Variants in SLC26A9 observed in about 807,000 individuals in gnomAD.
SLC26A9 encodes solute carrier family 26 member 9.
In SLC26A9, 46 loss-of-function variants were observed where a neutral mutation model predicts 87.1. The ratio of observed to expected loss-of-function variants is 0.53; its 90% CI spans 0.42 to 0.67. The LOEUF (loss-of-function observed/expected upper bound fraction) is 0.67, where lower values mean the gene tolerates loss of function less well. Among genes scored for constraint, SLC26A9 ranks in the 30% least tolerant of loss-of-function variants. The pLI is 0.00. For missense variants in SLC26A9, 927 were observed against 1,018.3 expected (o/e 0.91, Z 1.22); for synonymous variants, 437 against 409.1 (o/e 1.07, Z -0.82).
At position 205,933,014 on chromosome 1, in the gene SLC26A9, T is replaced by C. The variant is rs1209860821; in HGVS notation, c.196A>G (p.Lys66Glu). ...LPVLSWLPKY[K>E]IKDYIIPDLL... ...TCAGGAATGATGTAGTCTTTAATCT[T>C]GTACTTGGGGAGCCAGGAGAGCACA... Residue 66 changes from lysine (K) to glutamate (E), a missense_variant, in exon 3 of 21, where the codon AAG becomes GAG. Lys to Glu is a moderately conservative substitution (Grantham distance 56, BLOSUM62 1). Transcript: ENST00000367135. The C allele has an allele frequency of 6.2e-7, 1 of 1,614,078 alleles. No individual in the cohort carries two copies. Among genetic ancestry groups the C allele is most frequent in the Non-Finnish European group, 8.5e-7 (1 of 1,180,024 alleles).
intron 16 of SLC26A9, 41 bp from the exon 17 acceptor site, chr1:205,921,888 G>C: frequency 6.3e-7 from 1 of 1,577,182 alleles, no homozygotes; most frequent in Non-Finnish European, 8.6e-7. Context: ...GGGACCACCA[G>C]ACTGAGCCAG....
At chr1:205,943,276 GT>G (rs1261839901) in intron 1 of SLC26A9, 88 bp downstream of exon 1, 2 of 152,192 alleles carry the variant, frequency 1.3e-5, no homozygotes, top group Non-Finnish European at 2.9e-5. Context: ...GTTGGTTCCT[GT>G]CATCCCTCCT....
chr1:205,927,107 G>A (rs11240594), intron 11 of SLC26A9, 104 bp downstream of exon 11: 226,047 of 1,182,134 alleles, frequency 0.19, 25,944 homozygotes, highest in East Asian at 0.57. Flanking sequence ...GAGACTAAGT[G>A]TGACAACAGT....
chr1:205,926,985 G>A (rs1461882868), intron 11 of SLC26A9, among the ~76,000 whole-genome samples: 4 of 152,182 alleles, frequency 2.6e-5, no homozygotes, highest in South Asian at 4.1e-4. Context: ...CCAGCCCTGC[G>A]CTGTAAGCTG....
rs192547308 is a variant in SLC26A9 at position 205,929,349 on chromosome 1, A to G, written c.725T>C (p.Ile242Thr). ...GTGGGGGAGGTTTTTGCAAATGTCA[A>G]TGAAGGTCTGGGGGAAAGAGCATCA... ...TGPGSIVFTF[I>T]DICKNLPHTN... is the part of the protein sequence containing the mutation. The change falls in exon 7 of 21, where the codon ATT becomes ACT. Residue 242 changes from isoleucine (I) to threonine (T), a missense_variant. Coordinates refer to ENST00000367135, the MANE Select transcript of SLC26A9 (RefSeq NM_052934.4). 108 of 1,614,054 alleles carry G rather than the reference A, an allele frequency of 6.7e-5. 1 individual carries two copies. In the East Asian group the frequency reaches 2.2e-3, roughly 33 times the overall value.
chr1:205,917,909 A>T (rs751387212), intron 19 of SLC26A9, among the ~76,000 whole-genome samples: 1 of 152,186 alleles, frequency 6.6e-6, no homozygotes, highest in Non-Finnish European at 1.5e-5. Flanking sequence ...CTTCCTCCAG[A>T]ATCTCCCTCT....
Position 205,915,174 on chromosome 1 carries a change from G to A in SLC26A9, c.*183C>T. The A allele has an allele frequency of 6.2e-7, 1 of 1,612,274 alleles. No individual in the cohort carries two copies. The highest frequency in any genetic ancestry group is 8.5e-7 in the Non-Finnish European group (1 of 1,178,686). ...AAGGGTAGCACCCCCCTGCTGCTGA[G>A]AGGCTCTCTCTGGAGATGCGGGGAG... On this transcript the variant is annotated 3_prime_UTR_variant, in exon 21 of 21. Coordinates refer to ENST00000367135, the MANE Select transcript of SLC26A9 (RefSeq NM_052934.4).
Position 205,920,006 on chromosome 1 carries a change from G to C in SLC26A9, c.2110+170C>G, listed in dbSNP as rs117659193. The stretch of plus-strand genomic sequence containing the variant: ...GGCCCCTAGGATGTTTATGCAATCT[G>C]ACCAGTCTCTTTGGACTTGTACCTG... On this transcript the variant is annotated intron_variant, in intron 18 of 20. Transcript: ENST00000367135. Among the ~76,000 whole-genome samples, 62 of 152,238 alleles carry C rather than the reference G, an allele frequency of 4.1e-4. 1 individual carries two copies. In the East Asian group the frequency reaches 0.011, roughly 27 times the overall value.
chr1:205,923,660 A>T (rs775110769), intron 13 of SLC26A9, 47 bp from the exon 14 acceptor site: 1 of 1,610,278 alleles, frequency 6.2e-7, no homozygotes, highest in African/African-American at 1.3e-5. Flanking sequence ...CTAATGGCAC[A>T]TGGGCCTGGA....
At chr1:205,926,914 T>G (rs369295150) in intron 11 of SLC26A9, among the ~76,000 whole-genome samples, 31 of 152,126 alleles carry the variant, frequency 2.0e-4, no homozygotes, top group African/African-American at 7.2e-4. Flanking sequence ...CTGGTACTCG[T>G]GGGTAGGTGC....
chr1:205,915,388 A>C lies in SLC26A9; in HGVS notation c.2345T>G (p.Met782Arg), dbSNP rs1462078918. 1.2e-6 allele frequency: 2 copies of C among 1,614,090 alleles called. No individual in the cohort carries two copies. The highest frequency in any genetic ancestry group is 8.5e-7 in the Non-Finnish European group (1 of 1,180,016). Residue 782 changes from methionine to arginine, a missense_variant, in exon 21 of 21, where the codon ATG becomes AGG. Transcript: ENST00000367135. ...WDLEQEMFGS[M>R]FHAETLTAL ...GGCGGTCAGGGTCTCTGCGTGAAAC[A>C]TGCTCCCGAACATCTCCTGCAGGAA... is the stretch of plus-strand genomic sequence containing the variant.
chr1:205,929,071 G>T, intron 7 of SLC26A9, 133 bp downstream of exon 7: 1 of 1,463,094 alleles, frequency 6.8e-7, no homozygotes, highest in South Asian at 1.3e-5. Context: ...CCACATACGG[G>T]GGATGGGATG....
chr1:205,923,006 G>T, intron 16 of SLC26A9, 76 bp downstream of exon 16: 1 of 1,412,390 alleles, frequency 7.1e-7, no homozygotes, highest in Non-Finnish European at 1.0e-6. Context: ...GGCCCCCAGG[G>T]TACCATGAGT....
At chr1:205,927,663 G>A in intron 9 of SLC26A9, 58 bp from the exon 10 acceptor site, 3 of 1,519,038 alleles carry the variant, frequency 2.0e-6, no homozygotes, top group Non-Finnish European at 2.7e-6. Context: ...CGGGGACCAA[G>A]TGCAGTCAGG....
At chr1:205,933,280 G>A in intron 2 of SLC26A9, among the ~76,000 whole-genome samples, 196 bp from the exon 3 acceptor site, 1 of 152,194 alleles carries the variant, frequency 6.6e-6, no homozygotes. Context: ...GCATTAGCTG[G>A]AGGTCTTCTG....
intron 18 of SLC26A9, 113 bp downstream of exon 18, chr1:205,920,063 G>T: frequency 8.5e-7 from 1 of 1,180,506 alleles, no homozygotes; most frequent in Non-Finnish European, 1.3e-6. Context: ...AGCTTGTGGG[G>T]GATAGCTGGG....
intron 17 of SLC26A9, among the ~76,000 whole-genome samples, chr1:205,921,117 A>G (rs1318002368): frequency 6.6e-6 from 1 of 152,252 alleles, no homozygotes; most frequent in East Asian, 1.9e-4. Flanking sequence ...CATTCATTCA[A>G]GGTGTCCCGT....
chr1:205,921,974 A>G (rs1445969404), intron 16 of SLC26A9, 127 bp from the exon 17 acceptor site: 5 of 1,236,172 alleles, frequency 4.0e-6, no homozygotes, highest in Non-Finnish European at 4.4e-6. Flanking sequence ...TGGTGAACAC[A>G]GACCCTGAAA....
In SLC26A9 at chr1:205,915,011, G is replaced by A. The variant is rs147712135; in HGVS notation, c.*346C>T. 14 of 1,614,062 alleles carry A rather than the reference G, an allele frequency of 8.7e-6. No homozygotes were observed. Among genetic ancestry groups the A allele is most frequent in the Admixed American group, 5.0e-5 (3 of 60,006 alleles). ...TTGTCCTTCTGTTTTTGGCTCACTC[G>A]TAAAAGCTGGAAGTCAAGGTGTCCT... is the stretch of plus-strand genomic sequence containing the variant. On this transcript the variant is annotated 3_prime_UTR_variant, in exon 21 of 21. Transcript: ENST00000367135.
Sources: gnomAD v4.1 joint callset for allele counts (sites outside exome capture counted in the v4.1 genomes callset) on GRCh38, gnomAD v4.1.1 for gene constraint, MANE v1.5 for transcripts, NCBI Gene and HGNC (gene_info 2026-07-23, HGNC 2026-07-21) for gene names.